PAPPA2: variants seen among roughly 807,000 people sequenced by gnomAD.
PAPPA2 encodes the protein pappalysin-2.
In PAPPA2, 86 loss-of-function variants were observed where a neutral mutation model predicts 176.4. The observed-to-expected ratio is 0.49, with a 90% confidence interval of 0.41 to 0.58. PAPPA2 has a LOEUF of 0.58. PAPPA2 is among the 20% of genes least tolerant of loss of function. The probability of loss-of-function intolerance (pLI) is 0.00; values close to 1 mark genes in which losing one functional copy is unlikely to be tolerated. For synonymous variants in PAPPA2, 809 were observed against 852.2 expected, an observed-to-expected ratio of 0.95 and a Z score of 0.88; for missense variants, 2,073 against 2,256.9, an observed-to-expected ratio of 0.92 and a Z score of 1.65.
intron 12 of PAPPA2, among the ~76,000 whole-genome samples, chr1:176,738,320 GAGAA>G (rs1662513927): frequency 6.6e-6 from 1 of 152,074 alleles, no homozygotes; most frequent in Non-Finnish European, 1.5e-5. Flanking sequence ...TAAAGAAGGA[GAGAA>G]AGAAGGGAGA....
At chr1:176,710,699 G>T (rs1012317863) in intron 11 of PAPPA2, among the ~76,000 whole-genome samples, 1 of 152,218 alleles carries the variant, frequency 6.6e-6, no homozygotes, top group African/African-American at 2.4e-5. Context: ...CTTTTATTGT[G>T]AAATAAACTC....
At chr1:176,838,586 G>A (rs570162514) in intron 21 of PAPPA2, among the ~76,000 whole-genome samples, 70 of 152,320 alleles carry the variant, frequency 4.6e-4, no homozygotes, top group African/African-American at 1.5e-3. Flanking sequence ...TAGGTGTTAA[G>A]GATGCACTAG....
chr1:176,842,624 G>C lies in PAPPA2; in HGVS notation c.*170G>C. On this transcript the variant is annotated 3_prime_UTR_variant, in exon 23 of 23. Coordinates refer to ENST00000367662, the MANE Select transcript of PAPPA2 (RefSeq NM_020318.3). ...AGAGGATATTGATAGGTGTGAACTA[G>C]TTCATCAAGTAGCCCAAGTAGGAGA... The C allele has an allele frequency of 1.6e-6, 1 of 627,252 alleles. No homozygotes were observed. The highest frequency in any genetic ancestry group is 2.7e-6 in the Non-Finnish European group (1 of 367,962). 38.9% of individuals were successfully genotyped at this position (627,252 alleles called of 1,614,324 possible).
chr1:176,690,404 C>A lies in PAPPA2; in HGVS notation c.2405C>A (p.Pro802Gln). The change falls in exon 5 of 23, where the codon CCG (proline) becomes CAG (glutamine). Residue 802 changes from proline (P) to glutamine (Q), a missense_variant. Pro to Gln is a moderately conservative substitution (Grantham distance 76). Coordinates refer to ENST00000367662, the MANE Select transcript of PAPPA2 (RefSeq NM_020318.3). ...GGCTTCACTCGCTTCCCAGGGGCTC[C>A]GTTCACCAACTACATGAGCTACACG... ...TCGFTRFPGA[P>Q]FTNYMSYTDD... The A allele has an allele frequency of 6.2e-7, 1 of 1,614,076 alleles. No homozygotes were observed. Among genetic ancestry groups the A allele is most frequent in the Non-Finnish European group, 8.5e-7 (1 of 1,179,992 alleles).
At chr1:176,567,497 A>T (rs1053167317) in intron 2 of PAPPA2, among the ~76,000 whole-genome samples, 1 of 152,152 alleles carries the variant, frequency 6.6e-6, no homozygotes, top group Non-Finnish European at 1.5e-5. Context: ...CCTACAAATA[A>T]TTGCTCTACA....
chr1:176,606,086 T>C (rs12060917), intron 3 of PAPPA2, among the ~76,000 whole-genome samples: 24,179 of 151,326 alleles, frequency 0.16, 2,053 homozygotes, highest in Middle Eastern at 0.22. Context: ...CACACACACA[T>C]ATATATATAA....
In PAPPA2 at chr1:176,773,576, T is replaced by C. The variant is rs117373090; in HGVS notation, c.4715+2396T>C. Among the ~76,000 whole-genome samples, 20 of 152,270 alleles carry C rather than the reference T, an allele frequency of 1.3e-4. No individual in the cohort carries two copies. In the East Asian group the frequency reaches 3.7e-3, roughly 28 times the overall value. On this transcript the variant is annotated intron_variant, in intron 17 of 22. Coordinates refer to ENST00000367662, the MANE Select transcript of PAPPA2 (RefSeq NM_020318.3). Reference sequence around the variant, plus strand: ...TTGCTGGGCATGACCCTGAGCAAAATACTCAACATCCATGTATCTCAGTTT... The same window carrying C: ...TTGCTGGGCATGACCCTGAGCAAAACACTCAACATCCATGTATCTCAGTTT...
At chr1:176,639,164 A>T (rs1656915224) in intron 3 of PAPPA2, among the ~76,000 whole-genome samples, 6 of 152,030 alleles carry the variant, frequency 3.9e-5, no homozygotes. Context: ...ACTAGGATGA[A>T]CTCACATGGT....
chr1:176,529,796 G>A (rs1649706449), intron 1 of PAPPA2, among the ~76,000 whole-genome samples: 1 of 151,964 alleles, frequency 6.6e-6, no homozygotes. Flanking sequence ...CTTCAAGATG[G>A]CCACTTGCCT....
intron 12 of PAPPA2, among the ~76,000 whole-genome samples, chr1:176,721,703 C>T (rs1000167989): frequency 6.6e-6 from 1 of 152,108 alleles, no homozygotes; most frequent in Non-Finnish European, 1.5e-5. Flanking sequence ...TTCTCTCTGT[C>T]TTTTGTCTTC....
At position 176,770,977 on chromosome 1, in the gene PAPPA2, A is replaced by G. The variant is rs1664198268; in HGVS notation, c.4512A>G (p.Pro1504=). 1.2e-6 allele frequency: 2 copies of G among 1,613,988 alleles called. No individual in the cohort carries two copies. The highest frequency in any genetic ancestry group is 1.7e-6 in the Non-Finnish European group (2 of 1,179,992). Residue 1504 remains proline, a synonymous_variant, in exon 17 of 23, where the codon CCA becomes CCG. Transcript: ENST00000367662. ...VPPAKLQGLS[P]WLTCLEDGLW... is the part of the protein sequence containing the mutation. ...CTTTCCTGGAGTCAGGACTGAGCCC[A>G]TGGCTGACATGTCTTGAAGATGGTC...
At position 176,693,550 on chromosome 1, in the gene PAPPA2, C is replaced by G. The variant is rs186498359; in HGVS notation, c.2624+1232C>G. Among the ~76,000 whole-genome samples, 167 of 152,332 alleles carry G rather than the reference C, an allele frequency of 1.1e-3. 4 individuals carry two copies. In the East Asian group the frequency reaches 0.024, roughly 22 times the overall value. On this transcript the variant is annotated intron_variant, in intron 6 of 22. Transcript: ENST00000367662. ...CAAGTTTCCGTGCCCTTCAGCTTTG[C>G]TGAAAGCCTAGGGAGAGAGGCAAGA...
At chr1:176,685,589 T>C (rs1318216667) in intron 4 of PAPPA2, among the ~76,000 whole-genome samples, 2 of 152,234 alleles carry the variant, frequency 1.3e-5, no homozygotes, top group Admixed American at 6.5e-5. Flanking sequence ...GCATTTCTTA[T>C]TATTGTTTCA....
At chr1:176,514,203 A>G (rs1465337929) in intron 1 of PAPPA2, among the ~76,000 whole-genome samples, 1 of 152,198 alleles carries the variant, frequency 6.6e-6, no homozygotes, top group Non-Finnish European at 1.5e-5. Context: ...GATGCTTACA[A>G]TCATGGTGGA....
chr1:176,690,953 C>G (rs1320715493), intron 5 of PAPPA2: 53 of 982,772 alleles, frequency 5.4e-5, no homozygotes, highest in Non-Finnish European at 6.3e-5. Flanking sequence ...TTTTCCAGCA[C>G]TAGTCAAGCA....
At chr1:176,679,874 T>A (rs1182491034) in intron 4 of PAPPA2, among the ~76,000 whole-genome samples, 1 of 152,050 alleles carries the variant, frequency 6.6e-6, no homozygotes, top group East Asian at 1.9e-4. Context: ...TGTACTGGAG[T>A]TGAGTAAAGC....
chr1:176,604,342 G>A (rs184289366), intron 3 of PAPPA2, among the ~76,000 whole-genome samples: 2 of 152,060 alleles, frequency 1.3e-5, no homozygotes, highest in Admixed American at 1.3e-4. Context: ...ACGAGGGAAG[G>A]GGTTTTTATA....
chr1:176,501,265 A>T (rs2102508764), intron 1 of PAPPA2, among the ~76,000 whole-genome samples: 1 of 152,218 alleles, frequency 6.6e-6, no homozygotes, highest in South Asian at 2.1e-4. Flanking sequence ...GTGGCTTCTG[A>T]TAAATATCTC....
chr1:176,796,912 CCTCT>C (rs36099598), intron 20 of PAPPA2, among the ~76,000 whole-genome samples: 2 of 151,778 alleles, frequency 1.3e-5, no homozygotes, highest in Non-Finnish European at 1.5e-5. Flanking sequence ...TCCCTTCCTC[CCTCT>C]ATTTTCTTTT....
Sources: allele counts gnomAD v4.1 joint callset (sites outside exome capture counted in the v4.1 genomes callset), GRCh38; gene constraint gnomAD v4.1.1; transcripts MANE v1.5; gene names NCBI Gene and HGNC (gene_info 2026-07-23, HGNC 2026-07-21).